The following PIK3C2G variants were observed in gnomAD, a reference collection of about 807,000 sequenced individuals.
PIK3C2G encodes the protein phosphatidylinositol 3-kinase C2 domain-containing subunit gamma.
PIK3C2G carries 168 observed loss-of-function variants against 181.1 expected under a neutral mutation model. The observed-to-expected ratio is 0.93, with a 90% CI of 0.82 to 1.05. The LOEUF (loss-of-function observed/expected upper bound fraction) is 1.05. Among genes scored for constraint, PIK3C2G ranks in the 50% least tolerant of loss-of-function variants. PIK3C2G has a pLI of 0.00. For synonymous variants in PIK3C2G, 573 were observed against 592.2 expected (o/e 0.97, Z 0.47); for missense variants, 1,869 against 1,732.8 (o/e 1.08, Z -1.40).
At chr12:18,694,895 AT>A in the PIK3C2G span, 1 of 1,560,862 alleles carries the variant, frequency 6.4e-7, no homozygotes, top group Non-Finnish European at 8.8e-7. Context: ...GTAAAAGAAA[AT>A]TTATTAATCT....
At chr12:18,509,382 T>C (rs1942065981) in intron 24 of PIK3C2G, among the ~76,000 whole-genome samples, 1 of 152,248 alleles carries the variant, frequency 6.6e-6, no homozygotes, top group Non-Finnish European at 1.5e-5. Flanking sequence ...ACTAATTCAT[T>C]GTGTATTAAC....
chr12:18,424,680 T>C, intron 18 of PIK3C2G: 1 of 210,940 alleles, frequency 4.7e-6, no homozygotes, highest in South Asian at 9.1e-5. Flanking sequence ...TGTCAAAAGA[T>C]GCTATTCCTG....
At chr12:18,271,211 C>T (rs919260458) in intron 1 of PIK3C2G, among the ~76,000 whole-genome samples, 2 of 152,072 alleles carry the variant, frequency 1.3e-5, no homozygotes, top group Admixed American at 1.3e-4. Context: ...TCCTTCGCTA[C>T]TGCCCCATGT....
Position 18,552,162 on chromosome 12 carries a change from C to A in PIK3C2G, c.3590+5730C>A, listed in dbSNP as rs567262275. 3.9e-5 allele frequency among the ~76,000 whole-genome samples: 6 copies of A among 152,208 alleles called. No homozygotes were observed. In the South Asian group the frequency reaches 1.2e-3, roughly 32 times the overall value. On this transcript the variant is annotated intron_variant, in intron 26 of 32. Coordinates refer to ENST00000538779, the MANE Select transcript of PIK3C2G (RefSeq NM_001288772.2). ...ATCCCGAGAGTGCACCTGGCCTCCA[C>A]ATCATGGACACAGGAGCCAGAATCC...
chr12:18,581,229 A>G (rs1946485127), intron 29 of PIK3C2G, among the ~76,000 whole-genome samples: 1 of 152,226 alleles, frequency 6.6e-6, no homozygotes, highest in Admixed American at 6.5e-5. Context: ...TTGGGTTTCA[A>G]ATTTGTTCTT....
In PIK3C2G at chr12:18,540,150, G is replaced by T. The variant is rs144553278; in HGVS notation, c.3480+1838G>T. ...ATGAGCTCTTGAGTGTTTACCACAG[G>T]CTAGAAATTGCAAGGATACATTAAC... On this transcript the variant is annotated intron_variant, in intron 25 of 32. Coordinates refer to ENST00000538779, the MANE Select transcript of PIK3C2G (RefSeq NM_001288772.2). Among the ~76,000 whole-genome samples the T allele has an allele frequency of 3.0e-3, 457 of 151,818 alleles. 4 individuals carry two copies. The highest frequency in any genetic ancestry group is 4.1e-3 in the Non-Finnish European group (278 of 67,826).
the PIK3C2G span, among the ~76,000 whole-genome samples, chr12:18,672,605 T>C: frequency 1.3e-5 from 2 of 152,128 alleles, no homozygotes; most frequent in African/African-American, 4.8e-5. Flanking sequence ...AATCAGAACA[T>C]GTAGTTTCAT....
At chr12:18,438,665 C>A (rs1015478963) in intron 18 of PIK3C2G, among the ~76,000 whole-genome samples, 1 of 151,904 alleles carries the variant, frequency 6.6e-6, no homozygotes, top group Non-Finnish European at 1.5e-5. Context: ...TAGTACCCAT[C>A]ACTCTACTTA....
At chr12:18,364,072 A>G (rs868010512) in intron 12 of PIK3C2G, among the ~76,000 whole-genome samples, 1 of 152,194 alleles carries the variant, frequency 6.6e-6, no homozygotes, top group Non-Finnish European at 1.5e-5. Context: ...AGCAAAGCAC[A>G]CAAGGCCTTT....
chr12:18,362,970 A>AT, intron 12 of PIK3C2G, 84 bp downstream of exon 12: 1 of 1,093,440 alleles, frequency 9.1e-7, no homozygotes, highest in South Asian at 1.8e-5. Context: ...AAGGGATGTA[A>AT]TTTAAAAAAA....
the PIK3C2G span, among the ~76,000 whole-genome samples, chr12:18,723,704 C>T: frequency 2.0e-4 from 31 of 152,026 alleles, no homozygotes; most frequent in South Asian, 6.0e-3. Context: ...CATGGAGTGA[C>T]GTCAAAATTG....
intron 29 of PIK3C2G, among the ~76,000 whole-genome samples, chr12:18,572,666 A>G (rs529939015): frequency 6.6e-6 from 1 of 152,004 alleles, no homozygotes; most frequent in African/African-American, 2.4e-5. Flanking sequence ...GACTTCAAAT[A>G]TTGCTTGTAC....
chr12:18,530,503 T>A (rs573936207), intron 24 of PIK3C2G, among the ~76,000 whole-genome samples: 1 of 152,280 alleles, frequency 6.6e-6, no homozygotes, highest in South Asian at 2.1e-4. Flanking sequence ...GTCTATAAAC[T>A]CTTGATCTCC....
At chr12:18,352,021 T>C (rs1940267659) in intron 11 of PIK3C2G, among the ~76,000 whole-genome samples, 1 of 152,196 alleles carries the variant, frequency 6.6e-6, no homozygotes, top group African/African-American at 2.4e-5. Flanking sequence ...GATGCAATTC[T>C]CACAATATAT....
intron 29 of PIK3C2G, among the ~76,000 whole-genome samples, chr12:18,574,282 A>G (rs1946122922): frequency 6.6e-6 from 1 of 152,196 alleles, no homozygotes; most frequent in Non-Finnish European, 1.5e-5. Context: ...AGAGTGAAGA[A>G]CAGTTATAGA....
At chr12:18,537,411 C>G (rs1016874315) in intron 24 of PIK3C2G, among the ~76,000 whole-genome samples, 13 of 151,940 alleles carry the variant, frequency 8.6e-5, no homozygotes, top group Non-Finnish European at 8.8e-5. Flanking sequence ...CTGCTATTCT[C>G]TGTTAGAATT....
intron 5 of PIK3C2G, among the ~76,000 whole-genome samples, chr12:18,294,746 A>G (rs937914164): frequency 6.6e-6 from 1 of 152,030 alleles, no homozygotes; most frequent in African/African-American, 2.4e-5. Context: ...CTAAACAGTA[A>G]AGTATTAAAG....
intron 24 of PIK3C2G, among the ~76,000 whole-genome samples, chr12:18,532,261 A>T (rs530629937): frequency 6.6e-6 from 1 of 152,296 alleles, no homozygotes; most frequent in South Asian, 2.1e-4. Context: ...GAGAATTTTT[A>T]AAATAGACAC....
At chr12:18,724,377 C>T in the PIK3C2G span, among the ~76,000 whole-genome samples, 1 of 152,046 alleles carries the variant, frequency 6.6e-6, no homozygotes, top group Non-Finnish European at 1.5e-5. Flanking sequence ...GTTAGAAAAA[C>T]TGGTAGAACT....
Sources: allele counts gnomAD v4.1 joint callset (sites outside exome capture counted in the v4.1 genomes callset), GRCh38; gene constraint gnomAD v4.1.1; transcripts MANE v1.5; gene names NCBI Gene and HGNC (gene_info 2026-07-23, HGNC 2026-07-21).